Variants in TCOF1 observed in about 807,000 individuals in gnomAD.
TCOF1 encodes treacle protein.
In TCOF1, 33 loss-of-function variants were observed where a neutral mutation model predicts 149.0. The ratio of observed to expected loss-of-function variants is 0.22; its 90% CI spans 0.17 to 0.30. The LOEUF is 0.30. Ranked by LOEUF, TCOF1 falls within the 10% of genes least tolerant of loss-of-function variation. The pLI is 1.00. For missense variants in TCOF1, 1,728 were observed against 1,840.7 expected (o/e 0.94, Z 1.12); for synonymous variants, 789 against 738.8 (o/e 1.07, Z -1.10).
At chr5:150,385,289 C>T (rs546003627) in intron 17 of TCOF1, among the ~76,000 whole-genome samples, 40 of 152,318 alleles carry the variant, frequency 2.6e-4, no homozygotes, top group Non-Finnish European at 8.8e-5. Flanking sequence ...TCTGGTGTTA[C>T]ATTGAGGCCT....
rs142965998 is a variant in TCOF1, at chr5:150,369,542, G to C, written c.579G>C (p.Ala193=). 1.2e-6 allele frequency: 2 copies of C among 1,614,134 alleles called. No homozygotes were observed. Among genetic ancestry groups the C allele is most frequent in the Admixed American group, 3.3e-5 (2 of 60,024 alleles). The change falls in exon 6 of 27, where the codon GCG becomes GCC. Residue 193 remains alanine (A), a synonymous_variant. Coordinates refer to ENST00000643257, the MANE Select transcript of TCOF1 (RefSeq NM_001371623.1). ...GAAAKPGMVS[A]GQADSSSEDT... ...TCCGATCCTCAGGGATGGTGTCAGC[G>C]GGCCAGGCCGACAGCTCCAGCGAGG...
At chr5:150,359,049 T>G (rs1200098343) in intron 1 of TCOF1, among the ~76,000 whole-genome samples, 1 of 150,058 alleles carries the variant, frequency 6.7e-6, no homozygotes, top group Non-Finnish European at 1.5e-5. Context: ...AAAAAATTTT[T>G]TTTAAGTCCA....
intron 7 of TCOF1, among the ~76,000 whole-genome samples, chr5:150,372,650 CA>C (rs1762802580): frequency 6.6e-6 from 1 of 152,130 alleles, no homozygotes; most frequent in South Asian, 2.1e-4. Context: ...AAGGGCAAGA[CA>C]GGGGGGCTGG....
At chr5:150,393,103 C>T in intron 22 of TCOF1, 3 of 590,802 alleles carry the variant, frequency 5.1e-6, no homozygotes, top group South Asian at 2.0e-5. Context: ...CTGTATGTGG[C>T]AAAAGCTAGT....
intron 17 of TCOF1, chr5:150,383,706 T>C: frequency 6.4e-7 from 1 of 1,551,014 alleles, no homozygotes; most frequent in Non-Finnish European, 8.7e-7. Flanking sequence ...GCTGGTCCCC[T>C]GGCTCCCTGT....
chr5:150,357,958 C>T lies in TCOF1; in HGVS notation c.108+104C>T. 3.1e-6 allele frequency: 4 copies of T among 1,274,572 alleles called. No homozygotes were observed. In the South Asian group the frequency reaches 5.3e-5, roughly 17 times the overall value. 79.0% of individuals were successfully genotyped at this position (1,274,572 alleles called of 1,614,324 possible). ...AGGCGACCCGGCAGGCGCCCGGAGC[C>T]GGGTCCCGCAGTGCTCGACGGCGCG... On this transcript the variant is annotated intron_variant, in intron 1 of 26. Coordinates refer to ENST00000643257, the MANE Select transcript of TCOF1 (RefSeq NM_001371623.1).
chr5:150,378,410 T>C (rs1764296444), intron 14 of TCOF1, among the ~76,000 whole-genome samples: 1 of 152,140 alleles, frequency 6.6e-6, no homozygotes, highest in African/African-American at 2.4e-5. Flanking sequence ...AAACAACAAG[T>C]ATCTTGTTCT....
chr5:150,384,638 AC>A, intron 17 of TCOF1: 1 of 985,214 alleles, frequency 1.0e-6, no homozygotes. Flanking sequence ...CTTAAACTGA[AC>A]CATTTAATTG....
chr5:150,373,388 A>AGCTGC, intron 7 of TCOF1, among the ~76,000 whole-genome samples: 1 of 152,232 alleles, frequency 6.6e-6, no homozygotes, highest in Non-Finnish European at 1.5e-5. Flanking sequence ...TGTTGGCTCA[A>AGCTGC]AAATTTAAAA....
chr5:150,382,935 G>A, intron 17 of TCOF1: 1 of 688,944 alleles, frequency 1.5e-6, no homozygotes, highest in Admixed American at 3.0e-5. Context: ...CTGTGCATGT[G>A]CAGGAAGGGG....
chr5:150,358,734 G>A (rs941821657), intron 1 of TCOF1, among the ~76,000 whole-genome samples: 2 of 152,226 alleles, frequency 1.3e-5, no homozygotes, highest in African/African-American at 2.4e-5. Context: ...CTACTCATGT[G>A]GCTGAGGCAC....
intron 20 of TCOF1, 45 bp from the exon 21 acceptor site, chr5:150,391,912 T>TGTA: frequency 6.3e-7 from 1 of 1,597,918 alleles, no homozygotes; most frequent in Non-Finnish European, 8.6e-7. Flanking sequence ...CAGGTCTTAC[T>TGTA]TGCCCTAATT....
chr5:150,367,034 G>A (rs944526946), intron 3 of TCOF1, among the ~76,000 whole-genome samples: 1 of 151,848 alleles, frequency 6.6e-6, no homozygotes, highest in Non-Finnish European at 1.5e-5. Flanking sequence ...AGCTGGGTGC[G>A]GTGGCTCATG....
intron 6 of TCOF1, among the ~76,000 whole-genome samples, chr5:150,370,337 A>G (rs1762247230): frequency 6.6e-6 from 1 of 152,196 alleles, no homozygotes; most frequent in Admixed American, 6.5e-5. Context: ...AAGGCGGCAA[A>G]GAGAGTTTGG....
At chr5:150,372,544 G>A (rs1347690433) in intron 7 of TCOF1, among the ~76,000 whole-genome samples, 1 of 152,238 alleles carries the variant, frequency 6.6e-6, no homozygotes, top group Non-Finnish European at 1.5e-5. Flanking sequence ...CAGACCCTGA[G>A]CAGGCAAACA....
intron 25 of TCOF1, among the ~76,000 whole-genome samples, chr5:150,398,663 G>A (rs1769107413): frequency 6.6e-6 from 1 of 152,226 alleles, no homozygotes; most frequent in Non-Finnish European, 1.5e-5. Flanking sequence ...GAAGGGTGTT[G>A]GGGAAGGAAG....
chr5:150,364,140 G>A lies in TCOF1; in HGVS notation c.192G>A (p.Lys64=). 6.2e-7 allele frequency: 1 copy of A among 1,614,176 alleles called. No individual in the cohort carries two copies. The highest frequency in any genetic ancestry group is 8.5e-7 in the Non-Finnish European group (1 of 1,180,032). The part of the protein sequence containing the change: ...QQTSELGRKR[K]AEEDAALQAK... The stretch of plus-strand genomic sequence containing the variant: ...CCTCAGAGCTTGGTCGGAAGCGGAA[G>A]GCAGAGGAAGATGCGGCACTGCAAG... The change falls in exon 3 of 27, where the codon AAG becomes AAA. Residue 64 remains lysine (K), a synonymous_variant. Transcript: ENST00000643257.
intron 17 of TCOF1, chr5:150,384,473 C>G (rs1765862033): frequency 2.0e-6 from 2 of 985,348 alleles, no homozygotes; most frequent in Admixed American, 6.1e-5. Context: ...TGCCCCGACA[C>G]TCTCCTCTCC....
Position 150,396,774 on chromosome 5 carries a change from TGGGGAC to T in TCOF1, c.4280_4285del (p.Gly1427_Thr1428del). On this transcript the variant is annotated inframe_deletion, in exon 24 of 27. Coordinates refer to ENST00000643257, the MANE Select transcript of TCOF1 (RefSeq NM_001371623.1). ...CCAGAAGAGGAGCTTCAGAAGGGGA[TGGGGAC>T]GGTTGAAGGTGGAGATCAAAGCAAC... 6.2e-7 allele frequency: 1 copy of T among 1,611,628 alleles called. No individual in the cohort carries two copies. The highest frequency in any genetic ancestry group is 8.5e-7 in the Non-Finnish European group (1 of 1,179,364).
Sources: gnomAD v4.1 joint callset for allele counts (sites outside exome capture counted in the v4.1 genomes callset) on GRCh38, gnomAD v4.1.1 for gene constraint, MANE v1.5 for transcripts, NCBI Gene and HGNC (gene_info 2026-07-23, HGNC 2026-07-21) for gene names.